AFTPH: variants seen among roughly 807,000 people sequenced by gnomAD.
The protein encoded by AFTPH is aftiphilin, also known as aftiphilin protein.
A neutral mutation model predicts 72.5 loss-of-function variants in AFTPH; 7 were observed. That is an observed-to-expected ratio of 0.10 (90% CI 0.05 to 0.18). The LOEUF (loss-of-function observed/expected upper bound fraction) is 0.18, where lower values mean the gene tolerates loss of function less well. AFTPH is among the 10% of genes least tolerant of loss of function. The pLI, the probability that AFTPH is intolerant of heterozygous loss-of-function variation, is 1.00. For missense variants in AFTPH, 979 were observed against 1,060.5 expected (o/e 0.92, Z 1.07); for synonymous variants, 337 against 370.1 (o/e 0.91, Z 1.03).
chr2:64,549,308 C>CTTTTTTTTTTTTTTTTTTTTTTTTTTTTT (rs34951706), intron 1 of AFTPH, among the ~76,000 whole-genome samples: 1 of 55,982 alleles, frequency 1.8e-5, no homozygotes, highest in Admixed American at 3.0e-4. Flanking sequence ...TTAGTCCTCC[C>CTTTTTTTTTTTTTTTTTTTTTTTTTTTTT]TTTTTTTTTT....
chr2:64,564,099 T>A (rs1003577634), intron 2 of AFTPH, among the ~76,000 whole-genome samples: 2 of 151,956 alleles, frequency 1.3e-5, no homozygotes, highest in Non-Finnish European at 2.9e-5. Flanking sequence ...AACTAGGTAC[T>A]TTTTTTTCCC....
In AFTPH at chr2:64,582,297, T is replaced by A. The variant is rs79131009; in HGVS notation, c.2455+2751T>A. On this transcript the variant is annotated intron_variant, in intron 7 of 8. Coordinates refer to ENST00000238856, the Ensembl canonical transcript of AFTPH. ...CCCACTTCCAACAGTTGAGCAGCCA[T>A]GATGGGCTGTGGATGGGGGAGACTA... 2.7e-3 allele frequency among the ~76,000 whole-genome samples: 412 copies of A among 152,282 alleles called. 14 individuals are homozygous for A. The East Asian group carries it at 0.072, about 27-fold the overall frequency.
rs780253080 is a variant in AFTPH, at chr2:64,552,919, G to C, written c.1445G>C (p.Gly482Ala). ...CCAGGTGATGACTTTGGAGAATTTG[G>C]GGATATAAATGCTGTTTCTTGCCAA... Residue 482 changes from glycine (G) to alanine (A), a missense_variant, in exon 2 of 9, where the codon GGG becomes GCG. Transcript: ENST00000238856. The C allele has an allele frequency of 1.9e-6, 3 of 1,613,916 alleles. No individual in the cohort carries two copies. The African/African-American group carries it at 4.0e-5, about 22-fold the overall frequency.
At chr2:64,542,323 GAT>G (rs1293123397) in intron 1 of AFTPH, among the ~76,000 whole-genome samples, 4 of 151,960 alleles carry the variant, frequency 2.6e-5, no homozygotes, top group African/African-American at 7.3e-5. Context: ...GGGTACCAGG[GAT>G]TAACTATTCC....
intron 1 of AFTPH, among the ~76,000 whole-genome samples, chr2:64,529,486 C>T (rs1669474034): frequency 1.3e-5 from 2 of 152,134 alleles, no homozygotes; most frequent in South Asian, 4.1e-4. Context: ...GGTTGTGACT[C>T]CTTTTACTCA....
intron 8 of AFTPH, among the ~76,000 whole-genome samples, chr2:64,590,602 T>C (rs1450777421): frequency 6.6e-6 from 1 of 152,240 alleles, no homozygotes; most frequent in Non-Finnish European, 1.5e-5. Flanking sequence ...ACTATTTAAG[T>C]GCAATTAAAA....
chr2:64,575,379 A>G (rs764057845), intron 6 of AFTPH, among the ~76,000 whole-genome samples: 8 of 152,084 alleles, frequency 5.3e-5, no homozygotes, highest in African/African-American at 9.7e-5. Flanking sequence ...TAATCTCAGC[A>G]CTTTGGGATG....
chr2:64,590,661 T>A (rs1204459161), intron 8 of AFTPH, among the ~76,000 whole-genome samples: 1 of 152,264 alleles, frequency 6.6e-6, no homozygotes, highest in Non-Finnish European at 1.5e-5. Context: ...TCCATTCTTC[T>A]AAGAACCTAG....
intron 6 of AFTPH, among the ~76,000 whole-genome samples, chr2:64,576,611 C>T (rs1458112583): frequency 6.6e-6 from 1 of 152,168 alleles, no homozygotes; most frequent in Admixed American, 6.5e-5. Context: ...ACACTTTATT[C>T]ATTGCTGAGT....
chr2:64,535,485 A>G (rs1669838376), intron 1 of AFTPH, among the ~76,000 whole-genome samples: 1 of 152,244 alleles, frequency 6.6e-6, no homozygotes, highest in Non-Finnish European at 1.5e-5. Context: ...CGAAAAGAAC[A>G]CTGGCTTTGA....
intron 1 of AFTPH, among the ~76,000 whole-genome samples, chr2:64,535,996 AT>A: frequency 6.6e-6 from 1 of 152,334 alleles, no homozygotes; most frequent in Non-Finnish European, 1.5e-5. Flanking sequence ...GATTGATTTA[AT>A]TTGTGGTAGA....
At chr2:64,585,148 G>T (rs1445734081) in intron 7 of AFTPH, among the ~76,000 whole-genome samples, 1 of 152,168 alleles carries the variant, frequency 6.6e-6, no homozygotes, top group Non-Finnish European at 1.5e-5. Context: ...AGAAATTTTA[G>T]AAGTATTTGG....
intron 1 of AFTPH, among the ~76,000 whole-genome samples, chr2:64,548,151 T>G (rs1013462202): frequency 7.6e-5 from 11 of 144,222 alleles, no homozygotes; most frequent in African/African-American, 2.7e-4. Context: ...CCCAGCACTT[T>G]GGGAGGCCGA....
chr2:64,559,148 T>C (rs1052592320), intron 2 of AFTPH, among the ~76,000 whole-genome samples: 5 of 152,230 alleles, frequency 3.3e-5, no homozygotes, highest in African/African-American at 9.6e-5. Flanking sequence ...GGGTCCTGTG[T>C]ACACCTCTCT....
At chr2:64,531,474 G>T (rs1417697064) in intron 1 of AFTPH, among the ~76,000 whole-genome samples, 1 of 152,166 alleles carries the variant, frequency 6.6e-6, no homozygotes. Context: ...ATTTTTGAAT[G>T]ATTTAAACCT....
intron 2 of AFTPH, among the ~76,000 whole-genome samples, chr2:64,563,313 T>C (rs772813025): frequency 6.6e-6 from 1 of 152,222 alleles, no homozygotes; most frequent in African/African-American, 2.4e-5. Context: ...ATGAAAATAA[T>C]ATATGTACCC....
At position 64,551,433 on chromosome 2, in the gene AFTPH, T is replaced by A; in HGVS notation, c.-32-10T>A. On this transcript the variant is annotated splice_polypyrimidine_tract_variant and intron_variant, in intron 1 of 8. Coordinates refer to ENST00000238856, the Ensembl canonical transcript of AFTPH. The stretch of plus-strand genomic sequence containing the variant: ...GTCCCCTCCAAAAATTCTTTTTTTC[T>A]TTTTTACAGGTGTAAATTAATTATT... 2 of 1,556,700 alleles carry A rather than the reference T, an allele frequency of 1.3e-6. No individual in the cohort carries two copies. The highest frequency in any genetic ancestry group is 2.2e-5 in the East Asian group (1 of 44,464).
At chr2:64,571,408 C>T (rs1037852325) in intron 5 of AFTPH, among the ~76,000 whole-genome samples, 1 of 152,132 alleles carries the variant, frequency 6.6e-6, no homozygotes, top group Non-Finnish European at 1.5e-5. Context: ...AATTAACAAA[C>T]TTGGCTGAAA....
At chr2:64,554,764 A>G (rs1315893213) in intron 2 of AFTPH, among the ~76,000 whole-genome samples, 1 of 152,246 alleles carries the variant, frequency 6.6e-6, no homozygotes, top group Non-Finnish European at 1.5e-5. Flanking sequence ...GAAGTGAACT[A>G]ATTATGATGC....
Sources: allele counts gnomAD v4.1 joint callset (sites outside exome capture counted in the v4.1 genomes callset), GRCh38; gene constraint gnomAD v4.1.1; transcripts MANE v1.5; gene names NCBI Gene and HGNC (gene_info 2026-07-23, HGNC 2026-07-21).